Variants in AKR1C3 observed in about 807,000 individuals in gnomAD.
AKR1C3 encodes the protein 3-alpha hydroxysteroid dehydrogenase, type II.
AKR1C3 carries 48 observed loss-of-function variants against 43.6 expected under a neutral mutation model. That is an observed-to-expected ratio of 1.10 (90% CI 0.87 to 1.40). AKR1C3 has a LOEUF of 1.40. Among genes scored for constraint, AKR1C3 ranks in the 40% most tolerant of loss-of-function variants. The pLI is 0.00. For missense variants in AKR1C3, 482 were observed against 391.2 expected, an observed-to-expected ratio of 1.23 and a Z score of -1.96; for synonymous variants, 162 against 139.6, an observed-to-expected ratio of 1.16 and a Z score of -1.13.
intron 1 of AKR1C3, among the ~76,000 whole-genome samples, chr10:5,054,603 C>G (rs943362910): frequency 5.9e-5 from 9 of 152,012 alleles, no homozygotes; most frequent in African/African-American, 1.7e-4. Flanking sequence ...CTGTTTTTTT[C>G]TTTACTACTT....
chr10:5,053,696 G>T (rs1310682009), intron 1 of AKR1C3, among the ~76,000 whole-genome samples: 3 of 152,252 alleles, frequency 2.0e-5, no homozygotes, highest in African/African-American at 7.2e-5. Flanking sequence ...CCTAACTGCT[G>T]TTGGGAATTT....
intron 1 of AKR1C3, among the ~76,000 whole-genome samples, chr10:5,081,227 T>G (rs1011842702): frequency 1.3e-5 from 2 of 152,156 alleles, no homozygotes; most frequent in Non-Finnish European, 2.9e-5. Flanking sequence ...TATAAGAAAG[T>G]GGCCTGTGGG....
chr10:5,102,229 C>A lies in AKR1C3; in HGVS notation c.680+19C>A. ...AACGATGGTAATAAAAACAATGGGA[C>A]CTTTACATAAACCTTCATTTTGCAG... On this transcript the variant is annotated intron_variant, in intron 6 of 8. Coordinates refer to ENST00000380554, the MANE Select transcript of AKR1C3 (RefSeq NM_003739.6). 1.9e-6 allele frequency: 3 copies of A among 1,601,426 alleles called. No homozygotes were observed. The highest frequency in any genetic ancestry group is 2.6e-6 in the Non-Finnish European group (3 of 1,169,130).
intron 8 of AKR1C3, among the ~76,000 whole-genome samples, chr10:5,107,087 TATATAACA>T (rs1423926000): frequency 2.0e-5 from 3 of 152,190 alleles, no homozygotes. Flanking sequence ...CCCTATATCA[TATATAACA>T]ATTTACATTT....
chr10:5,105,334 C>T lies in AKR1C3; in HGVS notation c.847-261C>T, dbSNP rs961275485. 5.0e-5 allele frequency: 14 copies of T among 280,586 alleles called. No individual in the cohort carries two copies. In the South Asian group the frequency reaches 5.6e-4, roughly 11 times the overall value. 17.4% of individuals were successfully genotyped at this position (280,586 alleles called of 1,614,324 possible). ...CCCTATCATGTGGGCACAATGTCAGCGCTGTTTCTTCTCCATTTTCTGTTG... is the reference window on the plus strand; with the variant it reads ...CCCTATCATGTGGGCACAATGTCAGTGCTGTTTCTTCTCCATTTTCTGTTG... On this transcript the variant is annotated intron_variant, in intron 7 of 8. Coordinates refer to ENST00000380554, the MANE Select transcript of AKR1C3 (RefSeq NM_003739.6).
chr10:5,090,834 C>G (rs1165792445), upstream of AKR1C3, among the ~76,000 whole-genome samples: 1 of 152,060 alleles, frequency 6.6e-6, no homozygotes, highest in Non-Finnish European at 1.5e-5. Flanking sequence ...GATGAAATTA[C>G]AAGACAAAGT....
At chr10:5,102,718 G>T (rs1054629754) in intron 7 of AKR1C3, 68 bp downstream of exon 7, 107 of 1,468,368 alleles carry the variant, frequency 7.3e-5, no homozygotes, top group Non-Finnish European at 8.9e-5. Context: ...TTCTTGTAAG[G>T]CTCTCAGGAC....
chr10:5,071,892 AT>A (rs1165165073), intron 1 of AKR1C3, among the ~76,000 whole-genome samples: 2 of 151,948 alleles, frequency 1.3e-5, no homozygotes, highest in African/African-American at 2.4e-5. Flanking sequence ...CTTCTCCCTC[AT>A]TTTCCCTTTA....
At chr10:5,052,585 G>T (rs1838175001) in intron 1 of AKR1C3, among the ~76,000 whole-genome samples, 1 of 152,128 alleles carries the variant, frequency 6.6e-6, no homozygotes, top group Non-Finnish European at 1.5e-5. Context: ...AGAGTAGCTA[G>T]AGTGTCGATT....
At chr10:5,082,241 A>G (rs782660738) in intron 1 of AKR1C3, among the ~76,000 whole-genome samples, 4 of 152,152 alleles carry the variant, frequency 2.6e-5, no homozygotes, top group Non-Finnish European at 4.4e-5. Context: ...AACAAAAATA[A>G]TCTGACTTTT....
intron 1 of AKR1C3, among the ~76,000 whole-genome samples, chr10:5,070,462 G>T (rs567780043): frequency 6.6e-6 from 1 of 152,338 alleles, no homozygotes; most frequent in East Asian, 1.9e-4. Flanking sequence ...ATTTGTGGGG[G>T]TTTAAATACT....
intron 1 of AKR1C3, among the ~76,000 whole-genome samples, chr10:5,061,941 ACT>A (rs1288477583): frequency 1.4e-4 from 21 of 152,184 alleles, no homozygotes; most frequent in Non-Finnish European, 2.6e-4. Flanking sequence ...AATAAAGCAA[ACT>A]CTCCAAAATC....
chr10:5,059,686 A>G (rs1378042802), intron 1 of AKR1C3, among the ~76,000 whole-genome samples: 1 of 152,140 alleles, frequency 6.6e-6, no homozygotes, highest in Non-Finnish European at 1.5e-5. Flanking sequence ...AATTCTAAGG[A>G]AAAGTAGGAC....
chr10:5,096,304 T>C, intron 1 of AKR1C3, 106 bp from the exon 2 acceptor site: 1 of 1,387,430 alleles, frequency 7.2e-7, no homozygotes, highest in South Asian at 1.4e-5. Flanking sequence ...TCACCCCACA[T>C]ACAGACAGGA....
intron 1 of AKR1C3, chr10:5,077,589 A>G (rs1838740928): frequency 1.1e-6 from 1 of 875,782 alleles, no homozygotes; most frequent in Non-Finnish European, 1.4e-6. Context: ...ACAATGGGTA[A>G]AACATTAAAG....
chr10:5,086,878 A>T (rs1411933136), intron 1 of AKR1C3, among the ~76,000 whole-genome samples: 3 of 152,014 alleles, frequency 2.0e-5, no homozygotes. Flanking sequence ...AGTCTGTTTT[A>T]TCTGAGACTA....
intron 1 of AKR1C3, among the ~76,000 whole-genome samples, chr10:5,063,791 G>GAAAAAAAAAAAAAAAAAAAAA (rs1554780518): frequency 4.7e-3 from 343 of 72,578 alleles, no homozygotes; most frequent in Non-Finnish European, 6.7e-3. Context: ...AAAAAAAAAG[G>GAAAAAAAAAAAAAAAAAAAAA]AAAATGGCAC....
At chr10:5,077,174 C>T (rs1554781909) in intron 1 of AKR1C3, among the ~76,000 whole-genome samples, 1 of 152,032 alleles carries the variant, frequency 6.6e-6, no homozygotes, top group East Asian at 1.9e-4. Context: ...ATTGGAAAAA[C>T]CACGTTGGAC....
intron 1 of AKR1C3, among the ~76,000 whole-genome samples, chr10:5,087,999 C>T (rs562752810): frequency 2.0e-5 from 3 of 152,030 alleles, no homozygotes; most frequent in East Asian, 1.9e-4. Flanking sequence ...TTCCCATATC[C>T]GAGAGATTTT....
Sources: allele counts gnomAD v4.1 joint callset (sites outside exome capture counted in the v4.1 genomes callset), GRCh38; gene constraint gnomAD v4.1.1; transcripts MANE v1.5; gene names NCBI Gene and HGNC (gene_info 2026-07-23, HGNC 2026-07-21).